CACNA2D3: variants seen among roughly 807,000 people sequenced by gnomAD.
CACNA2D3 encodes voltage-dependent calcium channel subunit alpha-2/delta-3.
A neutral mutation model predicts 160.6 loss-of-function variants in CACNA2D3; 60 were observed. The observed-to-expected ratio is 0.37, with a 90% CI of 0.30 to 0.46. CACNA2D3 has a LOEUF of 0.46. Among genes scored for constraint, CACNA2D3 ranks in the 20% least tolerant of loss-of-function variants. The pLI is 1.00. For synonymous variants in CACNA2D3, 558 were observed against 492.9 expected (o/e 1.13, Z -1.75); for missense variants, 1,205 against 1,365.0 (o/e 0.88, Z 1.85).
At chr3:54,630,047 A>T (rs953931968) in intron 10 of CACNA2D3, among the ~76,000 whole-genome samples, 1 of 152,164 alleles carries the variant, frequency 6.6e-6, no homozygotes, top group South Asian at 2.1e-4. Flanking sequence ...AGGTAATGGT[A>T]GCAAAGCCTT....
intron 4 of CACNA2D3, among the ~76,000 whole-genome samples, chr3:54,394,648 AT>A (rs1416379747): frequency 8.5e-6 from 1 of 117,640 alleles, no homozygotes; most frequent in Admixed American, 9.3e-5. Flanking sequence ...TGAACTCATC[AT>A]TTTTTATGGC....
intron 5 of CACNA2D3, among the ~76,000 whole-genome samples, chr3:54,552,402 C>T (rs1006744063): frequency 2.6e-5 from 4 of 152,172 alleles, no homozygotes; most frequent in Non-Finnish European, 1.5e-5. Flanking sequence ...CCACGTGTTA[C>T]CCTGGTCCGT....
At chr3:54,518,789 A>T (rs1483266828) in intron 5 of CACNA2D3, among the ~76,000 whole-genome samples, 1 of 152,182 alleles carries the variant, frequency 6.6e-6, no homozygotes, top group African/African-American at 2.4e-5. Flanking sequence ...CACTTGAGTT[A>T]ATAAAACAGG....
chr3:54,498,937 A>G (rs538544085), intron 4 of CACNA2D3, among the ~76,000 whole-genome samples: 4 of 152,204 alleles, frequency 2.6e-5, no homozygotes, highest in East Asian at 3.9e-4. Context: ...TTTCATATCA[A>G]TATCATACAT....
At chr3:54,786,524 C>T (rs966965272) in intron 13 of CACNA2D3, among the ~76,000 whole-genome samples, 5 of 152,170 alleles carry the variant, frequency 3.3e-5, no homozygotes, top group African/African-American at 1.2e-4. Context: ...TCCTGTGTCT[C>T]TTCACTTTGT....
intron 3 of CACNA2D3, among the ~76,000 whole-genome samples, chr3:54,370,835 A>G (rs1202341268): frequency 7.7e-6 from 1 of 129,546 alleles, no homozygotes; most frequent in Non-Finnish European, 1.7e-5. Flanking sequence ...CCCCGACTCC[A>G]GAAAAAAAAA....
At chr3:54,771,875 T>G (rs904242379) in intron 13 of CACNA2D3, among the ~76,000 whole-genome samples, 2 of 152,044 alleles carry the variant, frequency 1.3e-5, no homozygotes, top group Non-Finnish European at 2.9e-5. Context: ...GTGGTCTCTG[T>G]CCATGTGCTC....
intron 13 of CACNA2D3, among the ~76,000 whole-genome samples, chr3:54,774,629 ATTTTT>A (rs111655457): frequency 3.6e-4 from 39 of 107,896 alleles, no homozygotes; most frequent in African/African-American, 8.7e-4. Flanking sequence ...CTCTTTGACT[ATTTTT>A]TTTTTTTTTT....
At chr3:54,444,615 A>G (rs889462682) in intron 4 of CACNA2D3, among the ~76,000 whole-genome samples, 3 of 152,192 alleles carry the variant, frequency 2.0e-5, no homozygotes, top group African/African-American at 7.2e-5. Context: ...GAGGCCACAT[A>G]ACATGCATTA....
chr3:54,243,071 A>C (rs1164621582), intron 2 of CACNA2D3, among the ~76,000 whole-genome samples: 1 of 152,224 alleles, frequency 6.6e-6, no homozygotes, highest in Non-Finnish European at 1.5e-5. Context: ...GTTAGCCTCA[A>C]TTGCAATTTC....
intron 11 of CACNA2D3, among the ~76,000 whole-genome samples, chr3:54,752,335 C>A (rs1241177956): frequency 1.3e-5 from 2 of 152,202 alleles, no homozygotes; most frequent in African/African-American, 4.8e-5. Context: ...GGCTGCCAGT[C>A]TCCCATTCCC....
chr3:54,610,875 C>T (rs542729985), intron 9 of CACNA2D3, among the ~76,000 whole-genome samples: 14 of 152,184 alleles, frequency 9.2e-5, no homozygotes, highest in South Asian at 2.1e-4. Context: ...GTGATCCACC[C>T]GCCTTGGCCT....
At chr3:54,254,626 G>C in intron 2 of CACNA2D3, among the ~76,000 whole-genome samples, 1 of 152,172 alleles carries the variant, frequency 6.6e-6, no homozygotes, top group Non-Finnish European at 1.5e-5. Flanking sequence ...TTCTTCAGAG[G>C]ATTAAATGCT....
intron 2 of CACNA2D3, among the ~76,000 whole-genome samples, chr3:54,240,987 C>T (rs1437448304): frequency 6.6e-6 from 1 of 152,144 alleles, no homozygotes; most frequent in African/African-American, 2.4e-5. Flanking sequence ...GTGATCCACT[C>T]ACCTCAGCCT....
chr3:54,287,626 T>G (rs1398763931), intron 2 of CACNA2D3, among the ~76,000 whole-genome samples: 7 of 142,250 alleles, frequency 4.9e-5, no homozygotes, highest in African/African-American at 1.8e-4. Flanking sequence ...AATATACATT[T>G]TTTTCAGCAC....
intron 35 of CACNA2D3, among the ~76,000 whole-genome samples, chr3:55,039,773 A>G (rs1302520635): frequency 1.3e-5 from 2 of 152,234 alleles, no homozygotes; most frequent in African/African-American, 4.8e-5. Flanking sequence ...CTAAGTATTC[A>G]TTGCTAATGG....
At chr3:54,991,038 GTAA>G (rs372272907) in intron 31 of CACNA2D3, among the ~76,000 whole-genome samples, 33 of 152,260 alleles carry the variant, frequency 2.2e-4, no homozygotes, top group African/African-American at 7.5e-4. Flanking sequence ...CAGCATGACA[GTAA>G]TAATCATGGC....
intron 2 of CACNA2D3, among the ~76,000 whole-genome samples, chr3:54,156,072 A>C (rs1700238329): frequency 6.6e-6 from 1 of 152,194 alleles, no homozygotes; most frequent in African/African-American, 2.4e-5. Flanking sequence ...GCTAGAAGAC[A>C]GCTTCATGAG....
At chr3:54,586,338 T>C (rs1159968555) in intron 9 of CACNA2D3, among the ~76,000 whole-genome samples, 1 of 150,634 alleles carries the variant, frequency 6.6e-6, no homozygotes, top group Non-Finnish European at 1.5e-5. Context: ...CAGAAAAATA[T>C]GTACCATGCT....
Sources: allele counts gnomAD v4.1 joint callset (sites outside exome capture counted in the v4.1 genomes callset), GRCh38; gene constraint gnomAD v4.1.1; transcripts MANE v1.5; gene names NCBI Gene and HGNC (gene_info 2026-07-23, HGNC 2026-07-21).